Variants in IVL observed in about 807,000 individuals in gnomAD.
IVL encodes the protein involucrin.
For synonymous variants in IVL, 257 were observed against 271.0 expected (o/e 0.95, Z 0.51); for missense variants, 722 against 624.9 (o/e 1.16, Z -1.66).
Position 152,911,531 on chromosome 1 carries a change from G to T in IVL, c.1734G>T (p.Val578=). 10 of 1,612,768 alleles carry T rather than the reference G, an allele frequency of 6.2e-6. No homozygotes were observed. The highest frequency in any genetic ancestry group is 8.5e-6 in the Non-Finnish European group (10 of 1,179,308). ...PVEHQQQKQE[V]QWPPKHK Reference sequence around the variant, plus strand: ...AGCACCAGCAGCAGAAGCAGGAGGTGCAGTGGCCACCCAAACATAAATAAC... The same window carrying T: ...AGCACCAGCAGCAGAAGCAGGAGGTTCAGTGGCCACCCAAACATAAATAAC... Residue 578 remains valine (V), a synonymous_variant, in exon 2 of 2, where the codon GTG becomes GTT. Coordinates refer to ENST00000368764, the MANE Select transcript of IVL (RefSeq NM_005547.4).
chr1:152,909,826 C>T lies in IVL; in HGVS notation c.29C>T (p.Thr10Ile), dbSNP rs201303454. 2.0e-4 allele frequency: 315 copies of T among 1,613,802 alleles called. 1 individual carries two copies. Among genetic ancestry groups the T allele is most frequent in the South Asian group, 5.2e-4 (47 of 91,012 alleles). Reference protein sequence around the residue: MSQQHTLPVTLSPALSQELL... With the variant: MSQQHTLPVILSPALSQELL... The stretch of plus-strand genomic sequence containing the variant: ...TCCCAGCAACACACACTGCCAGTGA[C>T]CCTCTCCCCTGCCCTCAGTCAGGAG... The change falls in exon 2 of 2, where the codon ACC (threonine) becomes ATC (isoleucine). Residue 10 changes from threonine to isoleucine, a missense_variant. Coordinates refer to ENST00000368764, the MANE Select transcript of IVL (RefSeq NM_005547.4).
intron 1 of IVL, among the ~76,000 whole-genome samples, chr1:152,908,855 G>A (rs2101494192): frequency 6.6e-6 from 1 of 152,318 alleles, no homozygotes; most frequent in East Asian, 1.9e-4. Flanking sequence ...ATGGAAGGGA[G>A]GAGGGGAATA....
Position 152,911,055 on chromosome 1 carries a change from G to T in IVL, c.1258G>T (p.Val420Leu). The part of the protein sequence containing the change: ...EGQLEQQERQ[V>L]EHLEQQVGQL... ...GCAGCTGGAGCAGCAGGAGAGGCAG[G>T]TGGAGCACCTGGAGCAGCAGGTGGG... The change falls in exon 2 of 2, where the codon GTG becomes TTG. Residue 420 changes from valine (V) to leucine (L), a missense_variant. Transcript: ENST00000368764. The T allele has an allele frequency of 6.5e-7, 1 of 1,528,636 alleles. No homozygotes were observed. Among genetic ancestry groups the T allele is most frequent in the East Asian group, 2.5e-5 (1 of 39,788 alleles). 94.7% of individuals were successfully genotyped at this position (1,528,636 alleles called of 1,614,324 possible). A position where few individuals can be genotyped will look rare whatever the true frequency, so the allele number is the denominator to read the frequency against.
chr1:152,910,641 C>A lies in IVL; in HGVS notation c.844C>A (p.Gln282Lys), dbSNP rs1649941660. 6.4e-7 allele frequency: 1 copy of A among 1,551,070 alleles called. No individual in the cohort carries two copies. Among genetic ancestry groups the A allele is most frequent in the South Asian group, 1.2e-5 (1 of 84,030 alleles). The change falls in exon 2 of 2, where the codon CAG (glutamine) becomes AAG (lysine). Residue 282 changes from glutamine (Q) to lysine (K), a missense_variant. Gln to Lys is a moderately conservative substitution (Grantham distance 53). Transcript: ENST00000368764. ...QLEVPEEQMG[Q>K]LKYLEQQEGQ... ...GGAGGTCCCAGAGGAGCAGATGGGG[C>A]AGCTGAAGTACCTGGAACAGCAGGA...
Position 152,910,169 on chromosome 1 carries a change from A to G in IVL, c.372A>G (p.Glu124=). ...ATCAGCAGCTAAACAAACAGCTGGA[A>G]GAAGAGAAGAAGCTCTTAGACCAGC... ...QRDQQLNKQL[E]EEKKLLDQQL... Residue 124 remains glutamate (E), a synonymous_variant, in exon 2 of 2, where the codon GAA becomes GAG. Transcript: ENST00000368764. The G allele has an allele frequency of 1.2e-6, 2 of 1,614,200 alleles. No individual in the cohort carries two copies. The highest frequency in any genetic ancestry group is 1.7e-6 in the Non-Finnish European group (2 of 1,180,032).
chr1:152,908,780 G>T (rs1459628947), intron 1 of IVL, among the ~76,000 whole-genome samples, 191 bp downstream of exon 1: 2 of 152,240 alleles, frequency 1.3e-5, no homozygotes, highest in South Asian at 4.1e-4. Flanking sequence ...AGAACAGAGA[G>T]TAATCATCCT....
chr1:152,910,926 G>A lies in IVL; in HGVS notation c.1129G>A (p.Glu377Lys). The change falls in exon 2 of 2, where the codon GAG becomes AAG. Residue 377 changes from glutamate (E) to lysine (K), a missense_variant. Transcript: ENST00000368764. ...GCAGGTGCTGCAGCTGAAGCAGCTAGAGAAGCAGCAGGGGCAGCCAAAGCA... is the reference window on the plus strand; with the variant it reads ...GCAGGTGCTGCAGCTGAAGCAGCTAAAGAAGCAGCAGGGGCAGCCAAAGCA... ...EQQVLQLKQL[E>K]KQQGQPKHLE... The A allele has an allele frequency of 6.4e-7, 1 of 1,550,728 alleles. No homozygotes were observed. Among genetic ancestry groups the A allele is most frequent in the Non-Finnish European group, 8.7e-7 (1 of 1,146,878 alleles).
rs1200385034 is a variant in IVL, at chr1:152,911,546, A to G, written c.1749A>G (p.Lys583=). The G allele has an allele frequency of 8.1e-6, 13 of 1,610,062 alleles. No homozygotes were observed. The highest frequency in any genetic ancestry group is 1.0e-5 in the Non-Finnish European group (12 of 1,178,040). ...QQKQEVQWPP[K]HK is the part of the protein sequence containing the mutation. ...AGCAGGAGGTGCAGTGGCCACCCAA[A>G]CATAAATAACCACCCGCAGTGTCCA... The change falls in exon 2 of 2, where the codon AAA becomes AAG. Residue 583 remains lysine (K), a synonymous_variant. Coordinates refer to ENST00000368764, the MANE Select transcript of IVL (RefSeq NM_005547.4).
Position 152,911,296 on chromosome 1 carries a change from C to G in IVL, c.1499C>G (p.Pro500Arg), listed in dbSNP as rs761914993. 31 of 1,566,248 alleles carry G rather than the reference C, an allele frequency of 2.0e-5. No individual in the cohort carries two copies. In the East Asian group the frequency reaches 7.3e-4, roughly 37 times the overall value. Residue 500 changes from proline to arginine, a missense_variant, in exon 2 of 2, where the codon CCA becomes CGA. Transcript: ENST00000368764. ...CTCCCAGAGCAGCAGGTAGGACAGC[C>G]AAAGCACCTGGAACAGCAGGAAAAG... ...LELPEQQVGQ[P>R]KHLEQQEKHL...
rs748965865 is a variant in IVL, at chr1:152,910,637, G to A, written c.840G>A (p.Met280Ile). The stretch of plus-strand genomic sequence containing the variant: ...AGCTGGAGGTCCCAGAGGAGCAGAT[G>A]GGGCAGCTGAAGTACCTGGAACAGC... ...EGQLEVPEEQ[M>I]GQLKYLEQQE... is the part of the protein sequence containing the mutation. The change falls in exon 2 of 2, where the codon ATG (methionine) becomes ATA (isoleucine). Residue 280 changes from methionine (M) to isoleucine (I), a missense_variant. Met to Ile is a conservative substitution (Grantham distance 10). Transcript: ENST00000368764. 2 of 1,551,158 alleles carry A rather than the reference G, an allele frequency of 1.3e-6. No individual in the cohort carries two copies. Among genetic ancestry groups the A allele is most frequent in the South Asian group, 1.2e-5 (1 of 84,016 alleles).
Position 152,909,927 on chromosome 1 carries a change from T to C in IVL, c.130T>C (p.Cys44Arg). Reference sequence around the variant, plus strand: ...ACAGCCAACTCCACTGCCTCCCCCATGCCAGAAGGTGCCTGTCGAGCTCCC... The same window carrying C: ...ACAGCCAACTCCACTGCCTCCCCCACGCCAGAAGGTGCCTGTCGAGCTCCC... Reference protein sequence around the residue: ...MKQPTPLPPPCQKVPVELPVE... With the variant: ...MKQPTPLPPPRQKVPVELPVE... Residue 44 changes from cysteine (C) to arginine (R), a missense_variant, in exon 2 of 2, where the codon TGC (cysteine) becomes CGC (arginine). By Grantham distance (180) the Cys-to-Arg change is radical. Transcript: ENST00000368764. The C allele has an allele frequency of 6.2e-7, 1 of 1,614,122 alleles. No homozygotes were observed. Among genetic ancestry groups the C allele is most frequent in the Non-Finnish European group, 8.5e-7 (1 of 1,180,028 alleles).
chr1:152,911,365 T>C lies in IVL; in HGVS notation c.1568T>C (p.Leu523Pro), dbSNP rs1196653191. ...PEQQDGQLKH[L>P]EQQEGQLKDL... ...CAGCAGGACGGACAACTAAAACATC[T>C]GGAGCAGCAGGAGGGGCAGCTGAAG... Residue 523 changes from leucine (L) to proline (P), a missense_variant, in exon 2 of 2, where the codon CTG becomes CCG. Coordinates refer to ENST00000368764, the MANE Select transcript of IVL (RefSeq NM_005547.4). The C allele has an allele frequency of 4.3e-6, 7 of 1,610,140 alleles. No homozygotes were observed.
chr1:152,910,672 A>C lies in IVL; in HGVS notation c.875A>C (p.Gln292Pro). 6.5e-7 allele frequency: 1 copy of C among 1,549,582 alleles called. No individual in the cohort carries two copies. The highest frequency in any genetic ancestry group is 8.7e-7 in the Non-Finnish European group (1 of 1,146,066). The change falls in exon 2 of 2, where the codon CAG becomes CCG. Residue 292 changes from glutamine (Q) to proline (P), a missense_variant. Transcript: ENST00000368764. ...QLKYLEQQEG[Q>P]LKHLDQQEKQ... is the part of the protein sequence containing the mutation. ...AAGTACCTGGAACAGCAGGAGGGGC[A>C]GCTGAAGCACCTGGATCAGCAGGAG... is the stretch of plus-strand genomic sequence containing the variant.
Position 152,909,972 on chromosome 1 carries a change from C to G in IVL, c.175C>G (p.Gln59Glu). Residue 59 changes from glutamine to glutamate, a missense_variant, in exon 2 of 2, where the codon CAA becomes GAA. Transcript: ENST00000368764. ...GCTCCCAGTGGAGGTCCCATCAAAG[C>G]AAGAGGAAAAGCACATGACTGCTGT... ...VELPVEVPSK[Q>E]EEKHMTAVKG... is the part of the protein sequence containing the mutation. The G allele has an allele frequency of 6.2e-7, 1 of 1,614,162 alleles. No homozygotes were observed. The highest frequency in any genetic ancestry group is 8.5e-7 in the Non-Finnish European group (1 of 1,180,046).
In IVL at chr1:152,910,763, GCCTAAGCAT is replaced by G. The variant is rs1649950623; in HGVS notation, c.968_976del (p.Pro323_His325del). 1 of 1,550,422 alleles carries G rather than the reference GCCTAAGCAT, an allele frequency of 6.4e-7. No individual in the cohort carries two copies. Among genetic ancestry groups the G allele is most frequent in the Non-Finnish European group, 8.7e-7 (1 of 1,146,722 alleles). ...AGCACCTGGAGCAGCAGGAGGGGCAGCCTAAGCATCTGGAGCAGCAGGAGGGGCAACTGG... is the reference window on the plus strand; with the variant it reads ...AGCACCTGGAGCAGCAGGAGGGGCAGCTGGAGCAGCAGGAGGGGCAACTGG... On this transcript the variant is annotated inframe_deletion, in exon 2 of 2. Coordinates refer to ENST00000368764, the MANE Select transcript of IVL (RefSeq NM_005547.4).
In IVL at chr1:152,909,899, G is replaced by A. The variant is rs549912790; in HGVS notation, c.102G>A (p.Met34Ile). The A allele has an allele frequency of 6.2e-7, 1 of 1,614,152 alleles. No individual in the cohort carries two copies. The highest frequency in any genetic ancestry group is 2.2e-5 in the East Asian group (1 of 44,874). Reference sequence around the variant, plus strand: ...CAGTCAATACCCATCAGGAGCAAATGAAACAGCCAACTCCACTGCCTCCCC... The same window carrying A: ...CAGTCAATACCCATCAGGAGCAAATAAAACAGCCAACTCCACTGCCTCCCC... ...PPPVNTHQEQ[M>I]KQPTPLPPPC... is the part of the protein sequence containing the mutation. The change falls in exon 2 of 2, where the codon ATG becomes ATA. Residue 34 changes from methionine (M) to isoleucine (I), a missense_variant. By Grantham distance (10) the Met-to-Ile change is conservative. Transcript: ENST00000368764.
chr1:152,909,990 A>G lies in IVL; in HGVS notation c.193A>G (p.Thr65Ala), dbSNP rs771417188. 6.8e-6 allele frequency: 11 copies of G among 1,614,168 alleles called. No homozygotes were observed. The South Asian group carries it at 1.2e-4, about 18-fold the overall frequency. The stretch of plus-strand genomic sequence containing the variant: ...ATCAAAGCAAGAGGAAAAGCACATG[A>G]CTGCTGTAAAGGGACTGCCTGAGCA... ...VPSKQEEKHM[T>A]AVKGLPEQEC... The change falls in exon 2 of 2, where the codon ACT becomes GCT. Residue 65 changes from threonine (T) to alanine (A), a missense_variant. By Grantham distance (58) the Thr-to-Ala change is moderately conservative. Transcript: ENST00000368764.
chr1:152,908,937 G>A (rs1027770899), intron 1 of IVL, among the ~76,000 whole-genome samples: 6 of 152,222 alleles, frequency 3.9e-5, no homozygotes, highest in African/African-American at 9.7e-5. Context: ...GGAGGGAGAG[G>A]TTCAGGGAAG....
rs1650010915 is a variant in IVL, at chr1:152,911,838, TG to T, written c.*284del. ...TTCCCCAGTATTGAAGCTGAATCAG[TG>T]AGTGTGTACAATGATACATAATAAA... On this transcript the variant is annotated 3_prime_UTR_variant, in exon 2 of 2. Coordinates refer to ENST00000368764, the MANE Select transcript of IVL (RefSeq NM_005547.4). The T allele has an allele frequency of 2.3e-6, 1 of 437,748 alleles. No individual in the cohort carries two copies. Among genetic ancestry groups the T allele is most frequent in the Admixed American group, 4.1e-5 (1 of 24,382 alleles). 27.1% of individuals were successfully genotyped at this position (437,748 alleles called of 1,614,324 possible).
Sources: gnomAD v4.1 joint callset for allele counts (sites outside exome capture counted in the v4.1 genomes callset) on GRCh38, gnomAD v4.1.1 for gene constraint, MANE v1.5 for transcripts, NCBI Gene and HGNC (gene_info 2026-07-23, HGNC 2026-07-21) for gene names.